LRRCC1: variants seen among roughly 807,000 people sequenced by gnomAD.
The protein encoded by LRRCC1 is leucine-rich repeat and coiled-coil domain-containing protein 1.
LRRCC1 carries 115 observed loss-of-function variants against 126.0 expected under a neutral mutation model. The ratio of observed to expected loss-of-function variants is 0.91; its 90% confidence interval spans 0.78 to 1.07. LRRCC1 has a LOEUF of 1.07. Ranked by LOEUF, LRRCC1 falls within the 50% of genes least tolerant of loss-of-function variation. The probability of loss-of-function intolerance (pLI) is 0.00; values close to 1 mark genes in which losing one functional copy is unlikely to be tolerated. For missense variants in LRRCC1, 1,172 were observed against 1,175.7 expected (o/e 1.00, Z 0.05); for synonymous variants, 400 against 393.4 (o/e 1.02, Z -0.20).
intron 18 of LRRCC1, among the ~76,000 whole-genome samples, chr8:85,143,785 T>C (rs1811431714): frequency 6.6e-6 from 1 of 152,228 alleles, no homozygotes. Flanking sequence ...GTTTAAGGTT[T>C]AAACACTTAA....
chr8:85,132,416 G>A (rs1289838689), intron 12 of LRRCC1, among the ~76,000 whole-genome samples: 1 of 123,150 alleles, frequency 8.1e-6, no homozygotes, highest in African/African-American at 3.2e-5. Flanking sequence ...TTCAGATAGA[G>A]TCTCGCTCTG....
chr8:85,144,472 A>ATT (rs1563963659), intron 18 of LRRCC1, among the ~76,000 whole-genome samples: 2 of 30,062 alleles, frequency 6.7e-5, no homozygotes, highest in Admixed American at 7.3e-4. Context: ...ATATATATAT[A>ATT]TATTTTTTTT....
At chr8:85,114,044 C>T (rs967538855) in intron 4 of LRRCC1, among the ~76,000 whole-genome samples, 1 of 152,030 alleles carries the variant, frequency 6.6e-6, no homozygotes, top group Non-Finnish European at 1.5e-5. Context: ...TTTTATTTCA[C>T]TGAAGAAAAT....
In LRRCC1 at chr8:85,122,312, G is replaced by T. The variant is rs1484750781; in HGVS notation, c.931-1101G>T. On this transcript the variant is annotated intron_variant, in intron 6 of 18. Transcript: ENST00000360375. Reference sequence around the variant, plus strand: ...TAATTTTATGTTTTCACCTAATTTGGGAAATTTCTTCCAATATTTCTTCTG... The same window carrying T: ...TAATTTTATGTTTTCACCTAATTTGTGAAATTTCTTCCAATATTTCTTCTG... Among the ~76,000 whole-genome samples the T allele has an allele frequency of 7.2e-5, 11 of 151,974 alleles. No individual in the cohort carries two copies. In the East Asian group the frequency reaches 2.1e-3, roughly 29 times the overall value.
chr8:85,144,296 G>T (rs1214043443), intron 18 of LRRCC1, among the ~76,000 whole-genome samples: 1 of 151,786 alleles, frequency 6.6e-6, no homozygotes, highest in Non-Finnish European at 1.5e-5. Flanking sequence ...AGCAGTATAG[G>T]ACTGTAGACA....
chr8:85,115,288 C>T lies in LRRCC1; in HGVS notation c.720+13C>T. ...AAGTGAAGATGAGGTATAGTATTTACTTTTTTTTTCCTAATATAAAAAATA... is the reference window on the plus strand; with the variant it reads ...AAGTGAAGATGAGGTATAGTATTTATTTTTTTTTTCCTAATATAAAAAATA... On this transcript the variant is annotated intron_variant, in intron 5 of 18. Coordinates refer to ENST00000360375, the MANE Select transcript of LRRCC1 (RefSeq NM_033402.5). The T allele has an allele frequency of 6.4e-7, 1 of 1,561,658 alleles. No individual in the cohort carries two copies.
At chr8:85,125,357 T>G (rs16913602) in intron 8 of LRRCC1, among the ~76,000 whole-genome samples, 15,841 of 152,100 alleles carry the variant, frequency 0.1, 1,630 homozygotes, top group African/African-American at 0.27. Context: ...AAACTCAATT[T>G]TGGACCACTG....
chr8:85,127,517 G>A (rs1810106738), intron 9 of LRRCC1, among the ~76,000 whole-genome samples: 1 of 152,026 alleles, frequency 6.6e-6, no homozygotes, highest in Non-Finnish European at 1.5e-5. Context: ...CTTGACATTT[G>A]CTAACACACT....
intron 18 of LRRCC1, among the ~76,000 whole-genome samples, chr8:85,142,819 G>A (rs1242148535): frequency 6.8e-5 from 9 of 131,636 alleles, no homozygotes; most frequent in South Asian, 2.4e-4. Flanking sequence ...ACTACGGAGC[G>A]AGACCCTGTC....
intron 12 of LRRCC1, among the ~76,000 whole-genome samples, chr8:85,133,329 C>T (rs886562350): frequency 2.0e-5 from 3 of 152,158 alleles, no homozygotes; most frequent in Admixed American, 2.0e-4. Flanking sequence ...TACGTCACTT[C>T]TTTTCAGTCT....
Position 85,138,062 on chromosome 8 carries a change from A to G in LRRCC1, c.2521A>G (p.Lys841Glu). The G allele has an allele frequency of 6.3e-7, 1 of 1,583,004 alleles. No homozygotes were observed. Among genetic ancestry groups the G allele is most frequent in the Non-Finnish European group, 8.6e-7 (1 of 1,164,932 alleles). Residue 841 changes from lysine to glutamate, a missense_variant, in exon 16 of 19, where the codon AAA becomes GAA. Physicochemically the swap from Lys to Glu is moderately conservative, Grantham distance 56. Transcript: ENST00000360375. Reference protein sequence around the residue: ...DCLQEKDEHIKRLQEKITEIE... With the variant: ...DCLQEKDEHIERLQEKITEIE... ...TTTACAAGAAAAAGATGAACACATC[A>G]AAAGATTACAAGAAAAGATCACAGA...
chr8:85,117,788 G>A (rs544746923), intron 6 of LRRCC1, among the ~76,000 whole-genome samples: 36 of 152,154 alleles, frequency 2.4e-4, no homozygotes, highest in Non-Finnish European at 4.7e-4. Context: ...TTGTCATGTA[G>A]CTATCTATTC....
rs1026862143 is a variant in LRRCC1, at chr8:85,115,119, C to T, written c.564C>T (p.Leu188=). The change falls in exon 5 of 19, where the codon CTC becomes CTT. Residue 188 remains leucine (L), a synonymous_variant. Transcript: ENST00000360375. The part of the protein sequence containing the change: ...CRLPGYRAVI[L]QTLPQLRILD... ...TCCAAGGGTACAGAGCAGTTATTCTCCAGACTTTGCCACAGCTTAGAATCC... is the reference window on the plus strand; with the variant it reads ...TCCAAGGGTACAGAGCAGTTATTCTTCAGACTTTGCCACAGCTTAGAATCC... The T allele has an allele frequency of 1.9e-6, 3 of 1,604,962 alleles. No homozygotes were observed. Among genetic ancestry groups the T allele is most frequent in the Middle Eastern group, 1.7e-4 (1 of 6,002 alleles).
chr8:85,111,115 C>T (rs1239771439), intron 3 of LRRCC1, among the ~76,000 whole-genome samples: 3 of 152,086 alleles, frequency 2.0e-5, no homozygotes, highest in Admixed American at 6.6e-5. Context: ...TGGTGTCTCA[C>T]GCCTGTAATC....
At chr8:85,138,773 G>A (rs895711621) in intron 17 of LRRCC1, among the ~76,000 whole-genome samples, 13 of 152,134 alleles carry the variant, frequency 8.5e-5, no homozygotes, top group Non-Finnish European at 1.8e-4. Context: ...GGCTGCACAC[G>A]GTGGCTCACG....
rs1247793218 is a variant in LRRCC1, at chr8:85,115,262, T to C, written c.707T>C (p.Ile236Thr). ...NLVSSDSPLN[I>T]SEDEIIDRMP... is the part of the protein sequence containing the mutation. ...GTTTCTTCTGATTCTCCCCTAAATATAAGTGAAGATGAGGTATAGTATTTA... is the reference window on the plus strand; with the variant it reads ...GTTTCTTCTGATTCTCCCCTAAATACAAGTGAAGATGAGGTATAGTATTTA... The change falls in exon 5 of 19, where the codon ATA becomes ACA. Residue 236 changes from isoleucine to threonine, a missense_variant. Transcript: ENST00000360375. The C allele has an allele frequency of 6.2e-7, 1 of 1,603,976 alleles. No homozygotes were observed. Among genetic ancestry groups the C allele is most frequent in the Non-Finnish European group, 8.5e-7 (1 of 1,174,990 alleles).
intron 3 of LRRCC1, among the ~76,000 whole-genome samples, chr8:85,111,386 A>C (rs1808708511): frequency 6.6e-6 from 1 of 152,218 alleles, no homozygotes; most frequent in African/African-American, 2.4e-5. Flanking sequence ...TCAAAACAAC[A>C]AAAGGAACTG....
At position 85,129,987 on chromosome 8, in the gene LRRCC1, T is replaced by C; in HGVS notation, c.1695T>C (p.Thr565=). 1.2e-6 allele frequency: 2 copies of C among 1,603,904 alleles called. No homozygotes were observed. Among genetic ancestry groups the C allele is most frequent in the Non-Finnish European group, 1.7e-6 (2 of 1,176,332 alleles). ...ATAGAGAAATATACTTACTTAGAACTTCCCTTCATCGAGAAAGAGAACAAG... is the reference window on the plus strand; with the variant it reads ...ATAGAGAAATATACTTACTTAGAACCTCCCTTCATCGAGAAAGAGAACAAG... The part of the protein sequence containing the change: ...AADREIYLLR[T]SLHREREQAQ... Residue 565 remains threonine (T), a synonymous_variant, in exon 11 of 19, where the codon ACT becomes ACC. Transcript: ENST00000360375.
At chr8:85,111,848 A>G (rs761959064) in intron 3 of LRRCC1, among the ~76,000 whole-genome samples, 30 of 151,916 alleles carry the variant, frequency 2.0e-4, no homozygotes, top group Non-Finnish European at 4.3e-4. Flanking sequence ...TTAAAATGGT[A>G]CAACCACTTT....
Sources: gnomAD v4.1 joint callset for allele counts (sites outside exome capture counted in the v4.1 genomes callset) on GRCh38, gnomAD v4.1.1 for gene constraint, MANE v1.5 for transcripts, NCBI Gene and HGNC (gene_info 2026-07-23, HGNC 2026-07-21) for gene names.